Variants in MYRIP observed in about 807,000 individuals in gnomAD.
MYRIP encodes myosin VIIA and Rab interacting protein, also known as rab effector MyRIP.
In MYRIP, 49 loss-of-function variants were observed where a neutral mutation model predicts 98.0. The observed-to-expected ratio is 0.50, with a 90% CI of 0.40 to 0.63. The LOEUF (loss-of-function observed/expected upper bound fraction) is 0.63. Ranked by LOEUF, MYRIP falls within the 30% of genes least tolerant of loss-of-function variation. The pLI is 0.00. For missense variants in MYRIP, 1,004 were observed against 1,058.2 expected, an observed-to-expected ratio of 0.95 and a Z score of 0.71; for synonymous variants, 404 against 409.5, an observed-to-expected ratio of 0.99 and a Z score of 0.16.
intron 3 of MYRIP, among the ~76,000 whole-genome samples, chr3:40,085,355 T>A (rs1948605627): frequency 6.6e-6 from 1 of 152,128 alleles, no homozygotes. Context: ...GGCGCGATCT[T>A]GGCCCACTGC....
chr3:39,883,697 G>A (rs886981976), intron 1 of MYRIP, among the ~76,000 whole-genome samples: 4 of 151,910 alleles, frequency 2.6e-5, no homozygotes, highest in African/African-American at 7.2e-5. Context: ...ACTTAAATAT[G>A]TGTTTAATGG....
In MYRIP at chr3:39,876,599, G is replaced by A. The variant is rs538242439; in HGVS notation, c.-30-24188G>A. 5.3e-5 allele frequency among the ~76,000 whole-genome samples: 8 copies of A among 151,358 alleles called. No individual in the cohort carries two copies. The East Asian group carries it at 1.5e-3, about 29-fold the overall frequency. On this transcript the variant is annotated intron_variant, in intron 1 of 16. Transcript: ENST00000302541. Reference sequence around the variant, plus strand: ...AGGATTTTATTTCTCCTTCATTTATGAAGCTTAGTTTGGCTGGATATGAAA... The same window carrying A: ...AGGATTTTATTTCTCCTTCATTTATAAAGCTTAGTTTGGCTGGATATGAAA...
At chr3:40,188,406 G>A (rs1045142152) in intron 9 of MYRIP, among the ~76,000 whole-genome samples, 2 of 151,894 alleles carry the variant, frequency 1.3e-5, no homozygotes, top group Admixed American at 1.3e-4. Context: ...CACAAACTGG[G>A]GAATGGTTTC....
At chr3:39,913,438 A>G (rs1203799530) in intron 2 of MYRIP, among the ~76,000 whole-genome samples, 1 of 152,196 alleles carries the variant, frequency 6.6e-6, no homozygotes, top group Admixed American at 6.5e-5. Context: ...TAAACAGTAT[A>G]TTGGCCTTCC....
chr3:39,883,345 C>T (rs1376954953), intron 1 of MYRIP, among the ~76,000 whole-genome samples: 1 of 152,170 alleles, frequency 6.6e-6, no homozygotes, highest in African/African-American at 2.4e-5. Flanking sequence ...GTACCGTCAG[C>T]ACCTGACGGA....
intron 3 of MYRIP, among the ~76,000 whole-genome samples, chr3:40,126,351 G>A (rs1283324921): frequency 6.6e-6 from 1 of 152,192 alleles, no homozygotes; most frequent in African/African-American, 2.4e-5. Context: ...AAACACCTTA[G>A]CGTTTTGGTT....
At chr3:40,167,702 C>T (rs1028587612) in intron 7 of MYRIP, among the ~76,000 whole-genome samples, 1 of 152,220 alleles carries the variant, frequency 6.6e-6, no homozygotes, top group African/African-American at 2.4e-5. Flanking sequence ...CCCAAAGCCA[C>T]CACACTTCTC....
intron 2 of MYRIP, among the ~76,000 whole-genome samples, chr3:39,932,569 T>A (rs1326044101): frequency 6.6e-6 from 1 of 152,002 alleles, no homozygotes; most frequent in East Asian, 1.9e-4. Context: ...TTTTGTTTAG[T>A]AGAGTTGGGG....
intron 8 of MYRIP, 23 bp from the exon 9 acceptor site, chr3:40,182,197 C>T (rs760736419): frequency 1.3e-6 from 2 of 1,588,086 alleles, no homozygotes; most frequent in Non-Finnish European, 1.7e-6. Flanking sequence ...GAGCTCACCC[C>T]TTCCCCTCTT....
chr3:39,850,062 G>A (rs986829272), intron 1 of MYRIP, among the ~76,000 whole-genome samples: 1 of 152,222 alleles, frequency 6.6e-6, no homozygotes, highest in East Asian at 1.9e-4. Flanking sequence ...CTAGAGTAGG[G>A]TGTCAGAGAG....
intron 1 of MYRIP, among the ~76,000 whole-genome samples, chr3:39,837,528 A>G (rs935934798): frequency 1.3e-5 from 2 of 151,944 alleles, no homozygotes; most frequent in African/African-American, 2.4e-5. Context: ...ATGGCTGTAG[A>G]TGTGTGGTAT....
intron 3 of MYRIP, among the ~76,000 whole-genome samples, chr3:40,059,597 T>A (rs927019676): frequency 3.9e-5 from 6 of 152,206 alleles, no homozygotes; most frequent in Non-Finnish European, 5.9e-5. Context: ...TTTCTTTGAT[T>A]GGTGATCTGT....
intron 1 of MYRIP, among the ~76,000 whole-genome samples, chr3:39,811,203 CTG>C (rs1940675837): frequency 1.3e-5 from 2 of 152,272 alleles, no homozygotes; most frequent in South Asian, 4.1e-4. Context: ...CACCCCAACT[CTG>C]AAACTCAGCC....
chr3:39,862,161 G>A (rs967133821), intron 1 of MYRIP, among the ~76,000 whole-genome samples: 1 of 152,172 alleles, frequency 6.6e-6, no homozygotes, highest in Non-Finnish European at 1.5e-5. Flanking sequence ...AAACTCTTAA[G>A]CCAGAAGAGA....
At chr3:39,938,615 T>C (rs547784282) in intron 2 of MYRIP, among the ~76,000 whole-genome samples, 1 of 152,282 alleles carries the variant, frequency 6.6e-6, no homozygotes, top group Non-Finnish European at 1.5e-5. Flanking sequence ...TTATTCCATA[T>C]GCTCATGAAA....
At chr3:39,841,386 A>G (rs1941794837) in intron 1 of MYRIP, among the ~76,000 whole-genome samples, 2 of 152,080 alleles carry the variant, frequency 1.3e-5, no homozygotes, top group Admixed American at 6.5e-5. Flanking sequence ...GCTTCCTTGC[A>G]TTGGGTTAGA....
chr3:39,870,772 T>C (rs958433813), intron 1 of MYRIP, among the ~76,000 whole-genome samples: 5 of 152,202 alleles, frequency 3.3e-5, no homozygotes, highest in African/African-American at 4.8e-5. Context: ...AGGCATTATT[T>C]TGAGCTTAAT....
At chr3:39,810,258 C>CT (rs1175525791) in intron 1 of MYRIP, among the ~76,000 whole-genome samples, 1 of 152,272 alleles carries the variant, frequency 6.6e-6, no homozygotes, top group Non-Finnish European at 1.5e-5. Flanking sequence ...CGCGTACCTA[C>CT]TGTGCTGCGG....
chr3:40,144,343 C>T (rs1460779489), intron 3 of MYRIP, among the ~76,000 whole-genome samples: 1 of 152,226 alleles, frequency 6.6e-6, no homozygotes, highest in Non-Finnish European at 1.5e-5. Context: ...AGCTCAACCC[C>T]AATGGCAGGT....
Sources: allele counts gnomAD v4.1 joint callset (sites outside exome capture counted in the v4.1 genomes callset), GRCh38; gene constraint gnomAD v4.1.1; transcripts MANE v1.5; gene names NCBI Gene and HGNC (gene_info 2026-07-23, HGNC 2026-07-21).